Variants in CDC14A observed in about 807,000 individuals in gnomAD.
CDC14A encodes dual specificity protein phosphatase CDC14A.
In CDC14A, 53 loss-of-function variants were observed where a neutral mutation model predicts 74.4. That is an observed-to-expected ratio of 0.71 (90% CI 0.57 to 0.89). CDC14A has a LOEUF of 0.89. Ranked by LOEUF, CDC14A falls within the 40% of genes least tolerant of loss-of-function variation. CDC14A has a pLI of 0.00. For missense variants in CDC14A, 646 were observed against 713.7 expected, an observed-to-expected ratio of 0.91 and a Z score of 1.08; for synonymous variants, 247 against 258.4, an observed-to-expected ratio of 0.96 and a Z score of 0.43.
chr1:100,398,954 GGGGAGTGAA>G (rs934946262), intron 4 of CDC14A, among the ~76,000 whole-genome samples: 59 of 152,212 alleles, frequency 3.9e-4, no homozygotes, highest in African/African-American at 1.4e-3. Flanking sequence ...TCTGGTGGTA[GGGGAGTGAA>G]GGGAGGCTGG....
intron 4 of CDC14A, among the ~76,000 whole-genome samples, chr1:100,399,091 T>A (rs910886794): frequency 2.6e-5 from 4 of 152,216 alleles, no homozygotes; most frequent in Admixed American, 2.6e-4. Flanking sequence ...AAAAAAACTT[T>A]AAAAAGTGGA....
rs58424420 is a variant in CDC14A at position 100,500,811 on chromosome 1, AGTGTGTGTGTGT to A, written c.1755+1580_1755+1591del. 7.1e-3 allele frequency among the ~76,000 whole-genome samples: 934 copies of A among 131,312 alleles called. 13 individuals are homozygous for A. Among genetic ancestry groups the A allele is most frequent in the African/African-American group, 0.025 (890 of 35,096 alleles). 86.1% of individuals were successfully genotyped at this position (131,312 alleles called of 152,430 possible). ...AGGATGTTTTCTAACATGAGAATGC[AGTGTGTGTGTGT>A]GTGTGTGTGTGTGTGTGTGTGTGTG... On this transcript the variant is annotated intron_variant, in intron 15 of 15. Coordinates refer to ENST00000336454, the MANE Select transcript of CDC14A (RefSeq NM_003672.4).
upstream of CDC14A, among the ~76,000 whole-genome samples, chr1:100,352,288 A>G (rs1651149440): frequency 1.3e-5 from 2 of 152,188 alleles, no homozygotes; most frequent in South Asian, 4.1e-4. Flanking sequence ...GTGGACGGCA[A>G]CAAAGCCTTA....
intron 8 of CDC14A, among the ~76,000 whole-genome samples, chr1:100,461,848 G>A (rs1553189395): frequency 6.6e-6 from 1 of 152,138 alleles, no homozygotes; most frequent in Non-Finnish European, 1.5e-5. Context: ...TATTTATGGT[G>A]TACAACAACT....
In CDC14A at chr1:100,518,428, A is replaced by C; in HGVS notation, c.*148A>C. On this transcript the variant is annotated 3_prime_UTR_variant, in exon 16 of 16. Coordinates refer to ENST00000336454, the MANE Select transcript of CDC14A (RefSeq NM_003672.4). ...AAAAGAGCACTAAGATAACACCTTC[A>C]AGAGACTTGAAAACAGAAAACTGGT... is the stretch of plus-strand genomic sequence containing the variant. The C allele has an allele frequency of 1.6e-6, 1 of 611,944 alleles. No homozygotes were observed. Among genetic ancestry groups the C allele is most frequent in the Non-Finnish European group, 2.9e-6 (1 of 341,614 alleles). The allele number at this position is 611,944 out of a possible 1,614,324, so 37.9% of individuals were successfully genotyped here.
rs1405803996 is a variant in CDC14A, at chr1:100,412,722, ATTTT to A, written c.310-11499_310-11496del. Among the ~76,000 whole-genome samples the A allele has an allele frequency of 5.7e-4, 42 of 73,908 alleles. 1 individual carries two copies. The highest frequency in any genetic ancestry group is 1.2e-3 in the Admixed American group (9 of 7,720). 48.5% of individuals were successfully genotyped at this position (73,908 alleles called of 152,430 possible). ...TATATATATATATATATATATATAT[ATTTT>A]ATATATATATATTTTATATATATAT... On this transcript the variant is annotated intron_variant, in intron 4 of 15. Coordinates refer to ENST00000336454, the MANE Select transcript of CDC14A (RefSeq NM_003672.4).
At chr1:100,514,378 C>G (rs1650029181) in intron 15 of CDC14A, among the ~76,000 whole-genome samples, 1 of 151,984 alleles carries the variant, frequency 6.6e-6, no homozygotes, top group African/African-American at 2.4e-5. Context: ...GAATTCAGGC[C>G]TGATGAAAAT....
upstream of CDC14A, among the ~76,000 whole-genome samples, chr1:100,348,341 ATTCTTTTGTTTTTCAT>A (rs903342551): frequency 2.6e-5 from 4 of 152,062 alleles, no homozygotes; most frequent in African/African-American, 9.7e-5. Context: ...ATAAAATTTA[ATTCTTTTGTTTTTCAT>A]TTCTTTTGCT....
chr1:100,445,689 A>G (rs1281880433), intron 7 of CDC14A, among the ~76,000 whole-genome samples: 2 of 152,188 alleles, frequency 1.3e-5, no homozygotes, highest in East Asian at 3.9e-4. Flanking sequence ...CCTGAAGCAG[A>G]CAGTGCAATT....
intron 10 of CDC14A, among the ~76,000 whole-genome samples, chr1:100,478,763 C>G (rs1669170849): frequency 6.6e-6 from 1 of 152,202 alleles, no homozygotes. Flanking sequence ...TTCCCCTGTT[C>G]TACTTTATTA....
At chr1:100,413,484 A>C (rs958560139) in intron 4 of CDC14A, among the ~76,000 whole-genome samples, 2 of 152,234 alleles carry the variant, frequency 1.3e-5, no homozygotes, top group African/African-American at 4.8e-5. Flanking sequence ...TTTAATTTTA[A>C]AAACAATTCT....
intron 3 of CDC14A, among the ~76,000 whole-genome samples, chr1:100,382,037 G>A (rs867092914): frequency 1.3e-5 from 2 of 151,886 alleles, no homozygotes; most frequent in African/African-American, 2.4e-5. Flanking sequence ...ATACAATTTT[G>A]TATGTATTTA....
In CDC14A at chr1:100,352,573, T is replaced by A; in HGVS notation, c.-382T>A. On this transcript the variant is annotated 5_prime_UTR_variant, in exon 1 of 16. Transcript: ENST00000336454. The stretch of plus-strand genomic sequence containing the variant: ...GCCGCTCGAGTAGCCACGGGCGCGA[T>A]CGGGACCAGAAGTCTCCTCCTCCAT... 9.5e-7 allele frequency: 1 copy of A among 1,051,058 alleles called. No individual in the cohort carries two copies. The highest frequency in any genetic ancestry group is 1.1e-6 in the Non-Finnish European group (1 of 872,512). The allele number at this position is 1,051,058 out of a possible 1,614,324, so 65.1% of individuals were successfully genotyped here. A position where few individuals can be genotyped will look rare whatever the true frequency, so the allele number is the denominator to read the frequency against.
rs149993934 is a variant in CDC14A at position 100,401,338 on chromosome 1, ATGAC to A, written c.309+10517_309+10520del. On this transcript the variant is annotated intron_variant, in intron 4 of 15. Transcript: ENST00000336454. ...CGTTCAATAAGTGTTTGTGAAATGA[ATGAC>A]TGTTTAATTGATAAATAAGTCTTGG... Among the ~76,000 whole-genome samples, 82 of 152,318 alleles carry A rather than the reference ATGAC, an allele frequency of 5.4e-4. 3 individuals are homozygous for A. In the East Asian group the frequency reaches 0.015, roughly 28 times the overall value.
chr1:100,394,099 C>T, intron 4 of CDC14A: 2 of 194,354 alleles, frequency 1.0e-5, no homozygotes, highest in South Asian at 1.5e-4. Context: ...TCTTCTCTCT[C>T]TTCTTTCCTT....
At chr1:100,365,554 A>C (rs557891737) in intron 2 of CDC14A, among the ~76,000 whole-genome samples, 436 of 152,270 alleles carry the variant, frequency 2.9e-3, no homozygotes, top group Non-Finnish European at 4.4e-3. Context: ...CTACGACACC[A>C]GATTAGGGAC....
chr1:100,472,139 A>G (rs1405535344), intron 10 of CDC14A, among the ~76,000 whole-genome samples: 2 of 152,170 alleles, frequency 1.3e-5, no homozygotes, highest in African/African-American at 2.4e-5. Context: ...AATCTGATAA[A>G]AAATGTGTAA....
At chr1:100,485,455 C>A in intron 11 of CDC14A, 1 of 309,164 alleles carries the variant, frequency 3.2e-6, no homozygotes, top group Non-Finnish European at 4.7e-6. Flanking sequence ...GTCCCAGTTA[C>A]TTGGGAGACT....
upstream of CDC14A, among the ~76,000 whole-genome samples, chr1:100,347,747 T>C (rs1297803959): frequency 6.6e-6 from 1 of 151,738 alleles, no homozygotes; most frequent in Non-Finnish European, 1.5e-5. Context: ...AGGTTTTTAC[T>C]ACGTTTCATA....
Sources: allele counts gnomAD v4.1 joint callset (sites outside exome capture counted in the v4.1 genomes callset), GRCh38; gene constraint gnomAD v4.1.1; transcripts MANE v1.5; gene names NCBI Gene and HGNC (gene_info 2026-07-23, HGNC 2026-07-21).